The following PCDH9 variants were observed in gnomAD, a reference collection of about 807,000 sequenced individuals.
PCDH9 encodes protocadherin 9.
A neutral mutation model predicts 70.6 loss-of-function variants in PCDH9; 24 were observed. The ratio of observed to expected loss-of-function variants is 0.34; its 90% CI spans 0.25 to 0.48. PCDH9 has a LOEUF of 0.48. PCDH9 is among the 20% of genes least tolerant of loss of function. PCDH9 has a pLI of 0.99. For missense variants in PCDH9, 1,281 were observed against 1,503.6 expected (o/e 0.85, Z 2.45); for synonymous variants, 562 against 558.5 (o/e 1.01, Z -0.09).
chr13:67,042,731 C>A (rs572718279), intron 2 of PCDH9, among the ~76,000 whole-genome samples: 1 of 152,168 alleles, frequency 6.6e-6, no homozygotes, highest in East Asian at 1.9e-4. Flanking sequence ...AATACAATGA[C>A]AAATGGTGCT....
rs540548314 is a variant in PCDH9 at position 67,200,353 on chromosome 13, T to C, written c.3036+25052A>G. On this transcript the variant is annotated intron_variant, in intron 2 of 4. Coordinates refer to ENST00000377865, the MANE Select transcript of PCDH9 (RefSeq NM_203487.3). Reference sequence around the variant, plus strand: ...GTGTAGAGGTACATGTGTTTCTCTATGGTAATAGCCAGGTGGTTGTGTCCC... The same window carrying C: ...GTGTAGAGGTACATGTGTTTCTCTACGGTAATAGCCAGGTGGTTGTGTCCC... 9.9e-4 allele frequency among the ~76,000 whole-genome samples: 151 copies of C among 152,132 alleles called. 2 individuals are homozygous for C. The Middle Eastern group carries it at 0.01, about 10-fold the overall frequency.
At chr13:67,037,344 C>G (rs1055224941) in intron 2 of PCDH9, among the ~76,000 whole-genome samples, 1 of 152,160 alleles carries the variant, frequency 6.6e-6, no homozygotes, top group Non-Finnish European at 1.5e-5. Context: ...CATATATACC[C>G]TCAGAGCTGA....
chr13:66,412,561 C>T (rs1439636219), intron 4 of PCDH9, among the ~76,000 whole-genome samples: 2 of 152,104 alleles, frequency 1.3e-5, no homozygotes, highest in Admixed American at 1.3e-4. Context: ...TGTATACATT[C>T]TATAGTAGAT....
chr13:66,973,351 T>C (rs544039073), intron 2 of PCDH9, among the ~76,000 whole-genome samples: 219 of 152,068 alleles, frequency 1.4e-3, no homozygotes, highest in Non-Finnish European at 2.9e-3. Context: ...CATAAGTTGA[T>C]ACAAGCAAGA....
At chr13:66,936,481 C>T (rs555298093) in intron 2 of PCDH9, among the ~76,000 whole-genome samples, 3 of 152,026 alleles carry the variant, frequency 2.0e-5, no homozygotes, top group African/African-American at 7.2e-5. Context: ...AAAAATTTAA[C>T]TCAATTATGC....
At chr13:66,981,471 TA>T (rs2083769288) in intron 2 of PCDH9, among the ~76,000 whole-genome samples, 1 of 151,224 alleles carries the variant, frequency 6.6e-6, no homozygotes, top group South Asian at 2.1e-4. Context: ...AAGTAAAAGA[TA>T]ATTCATTTAT....
intron 4 of PCDH9, among the ~76,000 whole-genome samples, chr13:66,454,831 C>T (rs1958285805): frequency 6.6e-6 from 1 of 152,128 alleles, no homozygotes; most frequent in African/African-American, 2.4e-5. Flanking sequence ...TTTCGAACTT[C>T]TGACTTCAAG....
At position 66,350,387 on chromosome 13, in the gene PCDH9, C is replaced by G. The variant is rs185469195; in HGVS notation, c.3341-45359G>C. ...TGTAGTTTCTTCATTTGACTTGGAG[C>G]AAACACTCTCTTGGAGTTATGTGAC... is the stretch of plus-strand genomic sequence containing the variant. On this transcript the variant is annotated intron_variant, in intron 4 of 4. Transcript: ENST00000377865. 2.6e-4 allele frequency among the ~76,000 whole-genome samples: 39 copies of G among 152,264 alleles called. 1 individual carries two copies. The highest frequency in any genetic ancestry group is 2.5e-3 in the Admixed American group (38 of 15,290).
intron 2 of PCDH9, among the ~76,000 whole-genome samples, chr13:67,156,987 A>G (rs1487312080): frequency 6.6e-6 from 1 of 152,114 alleles, no homozygotes. Context: ...GCTTTAACAC[A>G]TTTCCTCAGA....
At chr13:66,980,730 G>GTTTTTTTTTTTTTTTTTTTTTTTTCTTTT in intron 2 of PCDH9, among the ~76,000 whole-genome samples, 14 of 70,860 alleles carry the variant, frequency 2.0e-4, no homozygotes, top group Admixed American at 5.6e-4. Flanking sequence ...TTTTTTCTTT[G>GTTTTTTTTTTTTTTTTTTTTTTTTCTTTT]TTTTTTTTTT....
At chr13:67,222,666 CA>C (rs2089756639) in intron 2 of PCDH9, 1 of 152,150 alleles carries the variant, frequency 6.6e-6, no homozygotes, top group South Asian at 2.1e-4. Flanking sequence ...CAATAGTCGT[CA>C]CACAACTAAA....
intron 3 of PCDH9, among the ~76,000 whole-genome samples, chr13:66,829,562 T>C (rs1204281191): frequency 6.6e-6 from 1 of 151,518 alleles, no homozygotes; most frequent in Non-Finnish European, 1.5e-5. Context: ...GGGTGAATTT[T>C]ACTGTTTATA....
intron 3 of PCDH9, among the ~76,000 whole-genome samples, chr13:66,710,128 A>G (rs2078772780): frequency 6.6e-6 from 1 of 152,160 alleles, no homozygotes; most frequent in South Asian, 2.1e-4. Context: ...ACAGTCTGAT[A>G]TGAGACTTAT....
At chr13:66,865,426 A>T in intron 3 of PCDH9, among the ~76,000 whole-genome samples, 1 of 152,346 alleles carries the variant, frequency 6.6e-6, no homozygotes, top group South Asian at 2.1e-4. Context: ...TATCAATTGA[A>T]TTTTGTTTTA....
intron 4 of PCDH9, among the ~76,000 whole-genome samples, chr13:66,434,710 A>C (rs1957836749): frequency 1.3e-5 from 2 of 152,058 alleles, no homozygotes; most frequent in African/African-American, 2.4e-5. Context: ...ATTATGTTCA[A>C]GCACTCTAGC....
chr13:66,463,231 A>G (rs1958456877), intron 4 of PCDH9, among the ~76,000 whole-genome samples: 1 of 151,810 alleles, frequency 6.6e-6, no homozygotes, highest in South Asian at 2.1e-4. Context: ...GAGATTATAA[A>G]CAATCAGCTT....
At chr13:66,690,154 C>T (rs1297570297) in intron 3 of PCDH9, among the ~76,000 whole-genome samples, 1 of 152,156 alleles carries the variant, frequency 6.6e-6, no homozygotes, top group African/African-American at 2.4e-5. Flanking sequence ...TCTAAATAAA[C>T]ACAGTGCACT....
At chr13:67,169,160 A>C (rs1212408761) in intron 2 of PCDH9, among the ~76,000 whole-genome samples, 1 of 152,216 alleles carries the variant, frequency 6.6e-6, no homozygotes, top group Non-Finnish European at 1.5e-5. Flanking sequence ...TGGAAACCAC[A>C]GTTATATTTG....
chr13:66,532,564 G>A (rs541747433), intron 4 of PCDH9, among the ~76,000 whole-genome samples: 6 of 152,026 alleles, frequency 3.9e-5, no homozygotes, highest in Non-Finnish European at 8.8e-5. Context: ...TTTGTTTTGT[G>A]ATGTAGTCTT....
Sources: allele counts gnomAD v4.1 joint callset (sites outside exome capture counted in the v4.1 genomes callset), GRCh38; gene constraint gnomAD v4.1.1; transcripts MANE v1.5; gene names NCBI Gene and HGNC (gene_info 2026-07-23, HGNC 2026-07-21).